GRHPR: variants seen among roughly 807,000 people sequenced by gnomAD.
GRHPR encodes glyoxylate and hydroxypyruvate reductase, also known as glyoxylate reductase/hydroxypyruvate reductase.
In GRHPR, 35 loss-of-function variants were observed where a neutral mutation model predicts 36.8. The ratio of observed to expected loss-of-function variants is 0.95; its 90% CI spans 0.73 to 1.26. The LOEUF is 1.26. Among genes scored for constraint, GRHPR ranks in the 50% most tolerant of loss-of-function variants. GRHPR has a pLI of 0.00. For synonymous variants in GRHPR, 179 were observed against 181.0 expected (o/e 0.99, Z 0.09); for missense variants, 380 against 435.0 (o/e 0.87, Z 1.12).
At chr9:37,424,620 C>G (rs1822987188) in intron 1 of GRHPR, among the ~76,000 whole-genome samples, 1 of 152,240 alleles carries the variant, frequency 6.6e-6, no homozygotes, top group South Asian at 2.1e-4. Context: ...TGTCCCCATG[C>G]CTTCCCCCTT....
chr9:37,433,436 G>A (rs965039705), intron 8 of GRHPR, among the ~76,000 whole-genome samples: 1 of 152,058 alleles, frequency 6.6e-6, no homozygotes, highest in South Asian at 2.1e-4. Flanking sequence ...GTTTGTCCAT[G>A]TTGGCCAGGC....
upstream of GRHPR, chr9:37,422,650 GA>G (rs1433497709): frequency 2.3e-5 from 22 of 941,660 alleles, no homozygotes; most frequent in African/African-American, 9.8e-5. Flanking sequence ...CGCCGCGCGC[GA>G]CGTCTCTCCC....
At chr9:37,431,186 C>T in intron 7 of GRHPR, 1 of 374,704 alleles carries the variant, frequency 2.7e-6, no homozygotes, top group South Asian at 2.0e-5. Context: ...CCAAGCCCTT[C>T]CTAGCTGGTG....
chr9:37,431,819 G>A, intron 7 of GRHPR, 189 bp from the exon 8 acceptor site: 1 of 579,444 alleles, frequency 1.7e-6, no homozygotes, highest in Non-Finnish European at 3.1e-6. Context: ...CACACAGCTA[G>A]AAGGAGGCAG....
intron 7 of GRHPR, chr9:37,431,436 CATT>C (rs1823362039): frequency 3.9e-6 from 1 of 253,402 alleles, no homozygotes; most frequent in Non-Finnish European, 7.8e-6. Context: ...GTGTATTACT[CATT>C]AGTGCACAAG....
chr9:37,428,326 C>T (rs1025686071), intron 4 of GRHPR, 158 bp from the exon 5 acceptor site: 9 of 658,312 alleles, frequency 1.4e-5, no homozygotes, highest in Non-Finnish European at 2.5e-5. Context: ...TTCTGCTGCT[C>T]ATCTGCAGTG....
chr9:37,430,947 T>C (rs749804367), intron 7 of GRHPR: 1 of 531,904 alleles, frequency 1.9e-6, no homozygotes, highest in South Asian at 1.5e-5. Context: ...AGGCCCATTA[T>C]CCTCCACCAC....
chr9:37,428,397 G>T, intron 4 of GRHPR, 87 bp from the exon 5 acceptor site: 1 of 817,916 alleles, frequency 1.2e-6, no homozygotes. Context: ...TTTATACCTT[G>T]GACCACAGTC....
At chr9:37,422,607 C>A (rs1291777799), upstream of GRHPR, 1 of 697,634 alleles carries the variant, frequency 1.4e-6, no homozygotes, top group Non-Finnish European at 2.6e-6. Flanking sequence ...CGCAACCCGG[C>A]GCTCCCTCTC....
At chr9:37,429,659 G>A (rs774568760) in intron 5 of GRHPR, 73 bp from the exon 6 acceptor site, 1 of 990,092 alleles carries the variant, frequency 1.0e-6, no homozygotes, top group Non-Finnish European at 1.6e-6. Flanking sequence ...GAGGGCCGCT[G>A]TTCCAGAAAT....
In GRHPR at chr9:37,432,405, C is replaced by T. The variant is rs566572777; in HGVS notation, c.865+267C>T. 1.0e-3 allele frequency: 412 copies of T among 393,516 alleles called. 3 individuals carry two copies. Among genetic ancestry groups the T allele is most frequent in the African/African-American group, 7.6e-3 (368 of 48,384 alleles). The allele number at this position is 393,516 out of a possible 1,614,324, so 24.4% of individuals were successfully genotyped here. The stretch of plus-strand genomic sequence containing the variant: ...GTTTAAAAAAAAAGAGTGGGCCAGG[C>T]GTGGTGGCTCATGCCTGTAATCCCA... On this transcript the variant is annotated intron_variant, in intron 8 of 8. Transcript: ENST00000318158.
Position 37,432,124 on chromosome 9 carries a change from C to A in GRHPR, c.851C>A (p.Thr284Asn), listed in dbSNP as rs200326253. The A allele has an allele frequency of 1.9e-6, 3 of 1,614,004 alleles. No individual in the cohort carries two copies. In the East Asian group the frequency reaches 6.7e-5, roughly 36 times the overall value. The change falls in exon 8 of 9, where the codon ACC (threonine) becomes AAC (asparagine). Residue 284 changes from threonine (T) to asparagine (N), a missense_variant. Transcript: ENST00000318158. ...EPLPTNHPLLTLKNCVILPHI... is the reference protein window; with the variant it reads ...EPLPTNHPLLNLKNCVILPHI... Reference sequence around the variant, plus strand: ...CTGCCTACAAACCACCCTCTCCTGACCCTGAAGAACTGTGGTAAGAACTGC... The same window carrying A: ...CTGCCTACAAACCACCCTCTCCTGAACCTGAAGAACTGTGGTAAGAACTGC...
Position 37,424,907 on chromosome 9 carries a change from T to G in GRHPR, c.146T>G (p.Val49Gly). The G allele has an allele frequency of 6.2e-7, 1 of 1,612,604 alleles. No individual in the cohort carries two copies. The highest frequency in any genetic ancestry group is 1.7e-4 in the Middle Eastern group (1 of 6,056). Residue 49 changes from valine (V) to glycine (G), a missense_variant, in exon 2 of 9, where the codon GTG becomes GGG. Coordinates refer to ENST00000318158, the MANE Select transcript of GRHPR (RefSeq NM_012203.2). ...CCTGCCAAGGAGCTAGAGCGAGGTG[T>G]GGCGGGGGCCCACGGCCTGCTCTGC... ...PIPAKELERG[V>G]AGAHGLLCLL...
upstream of GRHPR, chr9:37,422,608 G>A (rs960645386): frequency 2.9e-6 from 2 of 700,808 alleles, no homozygotes; most frequent in Non-Finnish European, 5.1e-6. Flanking sequence ...GCAACCCGGC[G>A]CTCCCTCTCG....
chr9:37,428,325 T>G, intron 4 of GRHPR, 159 bp from the exon 5 acceptor site: 3 of 646,762 alleles, frequency 4.6e-6, no homozygotes, highest in Non-Finnish European at 5.7e-6. Context: ...TTTCTGCTGC[T>G]CATCTGCAGT....
rs550022713 is a variant in GRHPR, at chr9:37,430,666, C to A, written c.734+20C>A. On this transcript the variant is annotated intron_variant, in intron 7 of 8. Coordinates refer to ENST00000318158, the MANE Select transcript of GRHPR (RefSeq NM_012203.2). ...CAGCAGGTATCCTAGGGCCACCTTA[C>A]CCAGCAAGCCTGGAGAGGAGCCATC... 8.1e-6 allele frequency: 13 copies of A among 1,610,886 alleles called. No individual in the cohort carries two copies. In the Admixed American group the frequency reaches 1.8e-4, roughly 23 times the overall value.
chr9:37,434,706 G>A (rs1382203639), intron 8 of GRHPR: 1 of 157,122 alleles, frequency 6.4e-6, no homozygotes. Context: ...AAACTGTAAT[G>A]TACGAAATAA....
chr9:37,433,849 C>G (rs951595215), intron 8 of GRHPR: 2 of 391,074 alleles, frequency 5.1e-6, no homozygotes, highest in Non-Finnish European at 9.0e-6. Flanking sequence ...CCGGGCCAGT[C>G]TCTGCCCTTA....
rs1346791403 is a variant in GRHPR, at chr9:37,426,559, C to T, written c.309C>T (p.Thr103=). 1.9e-6 allele frequency: 3 copies of T among 1,612,330 alleles called. No homozygotes were observed. The highest frequency in any genetic ancestry group is 3.3e-5 in the Admixed American group (2 of 59,996). Reference sequence around the variant, plus strand: ...GTAGTGGGATCCGAGTTGGCTACACCCCAGATGTCCTGACAGATACCACCG... The same window carrying T: ...GTAGTGGGATCCGAGTTGGCTACACTCCAGATGTCCTGACAGATACCACCG... ...IKKRGIRVGY[T]PDVLTDTTAE... Residue 103 remains threonine, a synonymous_variant, in exon 4 of 9, where the codon ACC becomes ACT. Coordinates refer to ENST00000318158, the MANE Select transcript of GRHPR (RefSeq NM_012203.2).
Sources: gnomAD v4.1 joint callset for allele counts (sites outside exome capture counted in the v4.1 genomes callset) on GRCh38, gnomAD v4.1.1 for gene constraint, MANE v1.5 for transcripts, NCBI Gene and HGNC (gene_info 2026-07-23, HGNC 2026-07-21) for gene names.